Variants in HEPH observed in about 807,000 individuals in gnomAD.
HEPH encodes hephaestin.
Under a neutral mutation model 80.8 loss-of-function variants are expected in HEPH, and 69 were observed. The ratio of observed to expected loss-of-function variants is 0.85; its 90% confidence interval spans 0.70 to 1.04. The LOEUF is 1.04. HEPH is among the 50% of genes least tolerant of loss of function. HEPH has a pLI of 0.00. For synonymous variants in HEPH, 431 were observed against 322.8 expected (o/e 1.34, Z -3.60); for missense variants, 1,115 against 891.3 (o/e 1.25, Z -3.20).
intron 15 of HEPH, among the ~76,000 whole-genome samples, chrX:66,213,190 C>T (rs2089226987): frequency 9.2e-6 from 1 of 108,837 alleles, no homozygotes; most frequent in Admixed American, 9.9e-5. Flanking sequence ...CCCCCTTCCC[C>T]CACCCCACAA....
chrX:66,263,701 A>T lies in HEPH; in HGVS notation c.3244+13A>T, dbSNP rs1309366838. 3.3e-6 allele frequency: 4 copies of T among 1,200,389 alleles called. No homozygotes were observed. In the African/African-American group the frequency reaches 7.0e-5, roughly 21 times the overall value. ...GAGACTGAAAAAGGTACGTAAAATGATGCACAGACTGGGTACTTATACATA... is the reference window on the plus strand; with the variant it reads ...GAGACTGAAAAAGGTACGTAAAATGTTGCACAGACTGGGTACTTATACATA... On this transcript the variant is annotated intron_variant, in intron 20 of 20. Coordinates refer to ENST00000343002, the MANE Select transcript of HEPH (RefSeq NM_001367233.3).
intron 15 of HEPH, among the ~76,000 whole-genome samples, chrX:66,234,765 T>C (rs746887820): frequency 2.3e-4 from 26 of 110,862 alleles, no homozygotes; most frequent in Admixed American, 2.3e-3. Context: ...GCCTTGCGGG[T>C]AGCTGGGATT....
chrX:66,233,656 G>C, intron 15 of HEPH, among the ~76,000 whole-genome samples: 2 of 110,244 alleles, frequency 1.8e-5, no homozygotes, highest in East Asian at 5.6e-4. Flanking sequence ...CTTCAACAAT[G>C]GCTAATCTGT....
intron 15 of HEPH, among the ~76,000 whole-genome samples, chrX:66,211,676 C>A (rs185224178): frequency 1.8e-5 from 2 of 111,659 alleles, no homozygotes; most frequent in African/African-American, 6.5e-5. Context: ...TGATTTCATT[C>A]TTTTTTATGG....
At chrX:66,232,190 C>T (rs947264825) in intron 15 of HEPH, among the ~76,000 whole-genome samples, 6 of 111,228 alleles carry the variant, frequency 5.4e-5, no homozygotes, top group South Asian at 7.7e-4. Context: ...CAGTATTTTA[C>T]TGAGGATTTT....
intron 15 of HEPH, among the ~76,000 whole-genome samples, chrX:66,223,234 G>C (rs749222878): frequency 9.0e-6 from 1 of 111,725 alleles, no homozygotes; most frequent in Non-Finnish European, 1.9e-5. Context: ...GAAGATAAAC[G>C]AAGTATATAA....
At chrX:66,191,072 C>A (rs2087762404) in intron 6 of HEPH, among the ~76,000 whole-genome samples, 1 of 111,192 alleles carries the variant, frequency 9.0e-6, no homozygotes, top group Non-Finnish European at 1.9e-5. Flanking sequence ...GATTTTGGAT[C>A]TTAGAGAATA....
intron 15 of HEPH, among the ~76,000 whole-genome samples, chrX:66,248,868 G>A (rs749521905): frequency 3.0e-4 from 34 of 111,934 alleles, no homozygotes; most frequent in Non-Finnish European, 6.0e-4. Context: ...TCCTTGGATA[G>A]AGGGGACTAC....
intron 15 of HEPH, among the ~76,000 whole-genome samples, chrX:66,210,030 C>T (rs924326123): frequency 1.8e-5 from 2 of 111,254 alleles, no homozygotes; most frequent in Non-Finnish European, 3.8e-5. Flanking sequence ...ACAGTTACCC[C>T]AGAAGAGTAT....
At chrX:66,249,133 C>T (rs892178449) in intron 15 of HEPH, among the ~76,000 whole-genome samples, 7 of 111,101 alleles carry the variant, frequency 6.3e-5, no homozygotes, top group Non-Finnish European at 9.4e-5. Context: ...ACACTTCCCC[C>T]TCTGAGGCTC....
intron 19 of HEPH, 95 bp downstream of exon 19, chrX:66,260,357 C>T (rs1402733590): frequency 1.4e-6 from 1 of 691,812 alleles, no homozygotes; most frequent in Admixed American, 2.8e-5. Flanking sequence ...TTGTCTCCTT[C>T]TGATCCCACA....
intron 1 of HEPH, among the ~76,000 whole-genome samples, chrX:66,164,998 C>T (rs1174743885): frequency 8.9e-6 from 1 of 111,737 alleles, no homozygotes; most frequent in African/African-American, 3.3e-5. Context: ...CAACTGGCTG[C>T]GTGACTTTGA....
intron 4 of HEPH, among the ~76,000 whole-genome samples, chrX:66,175,981 C>T (rs2086787439): frequency 9.0e-6 from 1 of 111,635 alleles, no homozygotes; most frequent in Non-Finnish European, 1.9e-5. Context: ...TTGACTTCCT[C>T]TTTACATATT....
In HEPH at chrX:66,213,682, T is replaced by TA. The variant is rs1174763889; in HGVS notation, c.2563+5445dup. Among the ~76,000 whole-genome samples, 134 of 109,897 alleles carry TA rather than the reference T, an allele frequency of 1.2e-3. 1 individual carries two copies. Among genetic ancestry groups the TA allele is most frequent in the Middle Eastern group, 9.3e-3 (2 of 214 alleles). On this transcript the variant is annotated intron_variant, in intron 15 of 20. Transcript: ENST00000343002. ...ACCTGGGCAAGAAGAGCCAAAACAT[T>TA]AAAAAAAAATACTGATGAAATCACA... is the stretch of plus-strand genomic sequence containing the variant.
chrX:66,228,446 A>G (rs1227408286), intron 15 of HEPH, among the ~76,000 whole-genome samples: 1 of 113,134 alleles, frequency 8.8e-6, no homozygotes, highest in Non-Finnish European at 1.9e-5. Context: ...ATAACATTGG[A>G]AAAATCCTTC....
intron 15 of HEPH, among the ~76,000 whole-genome samples, chrX:66,231,447 T>C (rs2090136764): frequency 9.5e-6 from 1 of 105,613 alleles, no homozygotes; most frequent in Non-Finnish European, 2.0e-5. Flanking sequence ...TCCTCTTTTA[T>C]TTCCTTGAGC....
chrX:66,241,381 C>G (rs1428127472), intron 15 of HEPH, among the ~76,000 whole-genome samples: 3 of 111,631 alleles, frequency 2.7e-5, no homozygotes, highest in Non-Finnish European at 5.7e-5. Flanking sequence ...CATGCAATGA[C>G]ACCCATAGGA....
intron 20 of HEPH, among the ~76,000 whole-genome samples, chrX:66,264,541 C>A (rs967183492): frequency 3.7e-5 from 4 of 108,901 alleles, no homozygotes; most frequent in African/African-American, 1.3e-4. Context: ...TGTTGTTATT[C>A]TCCACCTCAT....
At chrX:66,248,639 A>G (rs919852912) in intron 15 of HEPH, among the ~76,000 whole-genome samples, 13 of 112,330 alleles carry the variant, frequency 1.2e-4, no homozygotes, top group African/African-American at 3.2e-4. Context: ...TATTCTATCT[A>G]TGCAATTGTG....
Sources: allele counts gnomAD v4.1 joint callset (sites outside exome capture counted in the v4.1 genomes callset), GRCh38; gene constraint gnomAD v4.1.1; transcripts MANE v1.5; gene names NCBI Gene and HGNC (gene_info 2026-07-23, HGNC 2026-07-21).